The following ADAMTS3 variants were observed in gnomAD, a reference collection of about 807,000 sequenced individuals.
ADAMTS3 encodes ADAM metallopeptidase with thrombospondin type 1 motif 3.
In ADAMTS3, 73 loss-of-function variants were observed where a neutral mutation model predicts 129.0. The observed-to-expected ratio is 0.57, with a 90% CI of 0.47 to 0.69. ADAMTS3 has a LOEUF of 0.69. Among genes scored for constraint, ADAMTS3 ranks in the 30% least tolerant of loss-of-function variants. ADAMTS3 has a pLI of 0.00. For missense variants in ADAMTS3, 1,457 were observed against 1,514.5 expected (o/e 0.96, Z 0.63); for synonymous variants, 477 against 510.8 (o/e 0.93, Z 0.89).
At chr4:72,425,770 T>C (rs528422581) in intron 3 of ADAMTS3, among the ~76,000 whole-genome samples, 1 of 151,808 alleles carries the variant, frequency 6.6e-6, no homozygotes, top group East Asian at 1.9e-4. Flanking sequence ...TCTTTGCTAT[T>C]GTGAATAGTG....
chr4:72,516,178 T>G (rs957641929), intron 3 of ADAMTS3, among the ~76,000 whole-genome samples: 3 of 152,196 alleles, frequency 2.0e-5, no homozygotes, highest in African/African-American at 7.2e-5. Flanking sequence ...AGGGCTCTGT[T>G]CTGTTCCATT....
At chr4:72,395,304 C>T (rs191964004) in intron 4 of ADAMTS3, among the ~76,000 whole-genome samples, 2 of 152,228 alleles carry the variant, frequency 1.3e-5, no homozygotes. Context: ...AAATGATAGA[C>T]TCCTTTGAAA....
intron 17 of ADAMTS3, among the ~76,000 whole-genome samples, chr4:72,299,186 T>C (rs1718890804): frequency 6.6e-6 from 1 of 151,230 alleles, no homozygotes; most frequent in Admixed American, 6.6e-5. Context: ...GCTTTTGGAG[T>C]GTGGAATGAT....
At chr4:72,545,431 G>C (rs1023507390) in intron 3 of ADAMTS3, among the ~76,000 whole-genome samples, 2 of 152,138 alleles carry the variant, frequency 1.3e-5, no homozygotes, top group Non-Finnish European at 2.9e-5. Context: ...CAAACCTCAG[G>C]AAGGGAGCAA....
intron 3 of ADAMTS3, among the ~76,000 whole-genome samples, chr4:72,514,171 C>T (rs930448303): frequency 2.0e-5 from 3 of 152,078 alleles, no homozygotes; most frequent in Admixed American, 6.6e-5. Context: ...CCAGGCCTTA[C>T]CCATCTATGG....
chr4:72,470,466 ATAT>A (rs1264562506), intron 3 of ADAMTS3, among the ~76,000 whole-genome samples: 1 of 150,846 alleles, frequency 6.6e-6, no homozygotes, highest in Non-Finnish European at 1.5e-5. Flanking sequence ...TAATATATAC[ATAT>A]TATGAGTATG....
intron 15 of ADAMTS3, among the ~76,000 whole-genome samples, chr4:72,307,819 A>AT (rs1417240463): frequency 3.2e-4 from 49 of 152,124 alleles, no homozygotes; most frequent in African/African-American, 1.2e-3. Flanking sequence ...TAATTAGTCT[A>AT]TTAAATCACT....
chr4:72,290,859 C>G lies in ADAMTS3; in HGVS notation c.2927G>C (p.Ser976Thr). ...CPAQWKTGPW[S>T]ECSVTCGEGT... ...GCACGGAATTCACACACCTACCTCA[C>G]TCCAGGGTCCTGTTTTCCACTGTGC... The change falls in exon 20 of 22, where the codon AGT becomes ACT. Residue 976 changes from serine to threonine, a missense_variant. Transcript: ENST00000286657. The G allele has an allele frequency of 6.2e-7, 1 of 1,613,752 alleles. No individual in the cohort carries two copies. Among genetic ancestry groups the G allele is most frequent in the Non-Finnish European group, 8.5e-7 (1 of 1,179,822 alleles).
At chr4:72,314,234 C>T (rs536937223) in intron 11 of ADAMTS3, among the ~76,000 whole-genome samples, 1 of 152,244 alleles carries the variant, frequency 6.6e-6, no homozygotes, top group South Asian at 2.1e-4. Context: ...TAAACTATGT[C>T]TTGGTTTAGA....
intron 3 of ADAMTS3, among the ~76,000 whole-genome samples, chr4:72,458,784 T>C (rs1402761599): frequency 6.6e-6 from 1 of 151,506 alleles, no homozygotes; most frequent in Non-Finnish European, 1.5e-5. Context: ...TTGTTGAATA[T>C]CTCCACATAT....
chr4:72,533,614 T>G, intron 3 of ADAMTS3, among the ~76,000 whole-genome samples: 1 of 151,970 alleles, frequency 6.6e-6, no homozygotes, highest in Non-Finnish European at 1.5e-5. Context: ...TGCACATATG[T>G]ATATATACAT....
At position 72,386,907 on chromosome 4, in the gene ADAMTS3, T is replaced by G. The variant is rs576841451; in HGVS notation, c.661+27908A>C. 1.3e-3 allele frequency among the ~76,000 whole-genome samples: 192 copies of G among 152,318 alleles called. 1 individual carries two copies. Among genetic ancestry groups the G allele is most frequent in the African/African-American group, 4.4e-3 (181 of 41,578 alleles). On this transcript the variant is annotated intron_variant, in intron 4 of 21. Transcript: ENST00000286657. Reference sequence around the variant, plus strand: ...CATTTTTTTAAGCAATCTTACTCACTGACCTTCCTATTTTAAAAATAAGGT... The same window carrying G: ...CATTTTTTTAAGCAATCTTACTCACGGACCTTCCTATTTTAAAAATAAGGT...
intron 17 of ADAMTS3, among the ~76,000 whole-genome samples, chr4:72,300,001 TG>T (rs1249346399): frequency 1.3e-5 from 2 of 152,212 alleles, no homozygotes; most frequent in African/African-American, 4.8e-5. Flanking sequence ...TGCAATTCAT[TG>T]GTATTCCAAA....
At chr4:72,308,784 T>G (rs1003673140) in intron 15 of ADAMTS3, among the ~76,000 whole-genome samples, 2 of 151,978 alleles carry the variant, frequency 1.3e-5, no homozygotes, top group Non-Finnish European at 2.9e-5. Context: ...CTTCAGTGTA[T>G]GTCTAAGTTC....
At chr4:72,460,604 C>A (rs118105244) in intron 3 of ADAMTS3, among the ~76,000 whole-genome samples, 85 of 150,816 alleles carry the variant, frequency 5.6e-4, no homozygotes, top group East Asian at 3.3e-3. Context: ...CAATTACTAT[C>A]AAAAAAACCA....
At chr4:72,546,684 C>G (rs1455766947) in intron 3 of ADAMTS3, among the ~76,000 whole-genome samples, 1 of 152,092 alleles carries the variant, frequency 6.6e-6, no homozygotes, top group Non-Finnish European at 1.5e-5. Context: ...ATAAAGCCTA[C>G]TAACCAAAAA....
At chr4:72,476,639 A>G (rs942194326) in intron 3 of ADAMTS3, among the ~76,000 whole-genome samples, 4 of 152,106 alleles carry the variant, frequency 2.6e-5, no homozygotes, top group Admixed American at 6.6e-5. Context: ...ACTAATCCCC[A>G]AACTAGACAA....
chr4:72,552,611 C>CGG (rs1721672895), intron 2 of ADAMTS3, among the ~76,000 whole-genome samples: 3 of 152,152 alleles, frequency 2.0e-5, no homozygotes, highest in African/African-American at 7.2e-5. Context: ...CAAATCTTAT[C>CGG]ACTCTTCTCC....
chr4:72,426,605 A>G (rs1722579713), intron 3 of ADAMTS3, among the ~76,000 whole-genome samples: 1 of 152,166 alleles, frequency 6.6e-6, no homozygotes, highest in East Asian at 1.9e-4. Context: ...AAACTAAATT[A>G]GCTTGGCGAA....
Sources: gnomAD v4.1 joint callset for allele counts (sites outside exome capture counted in the v4.1 genomes callset) on GRCh38, gnomAD v4.1.1 for gene constraint, MANE v1.5 for transcripts, NCBI Gene and HGNC (gene_info 2026-07-23, HGNC 2026-07-21) for gene names.